ZNF391: variants seen among roughly 807,000 people sequenced by gnomAD.
The protein encoded by ZNF391 is zinc finger protein 391.
For synonymous variants in ZNF391, 126 were observed against 142.1 expected (o/e 0.89, Z 0.80); for missense variants, 375 against 425.5 (o/e 0.88, Z 1.04).
chr6:27,400,153 C>T, intron 2 of ZNF391, 140 bp from the exon 3 acceptor site: 1 of 448,312 alleles, frequency 2.2e-6, no homozygotes, highest in Non-Finnish European at 3.9e-6. Flanking sequence ...TTGTTCTCCT[C>T]CACTATCCTT....
chr6:27,383,547 T>A (rs1561808286), intron 1 of ZNF391, among the ~76,000 whole-genome samples: 1 of 152,194 alleles, frequency 6.6e-6, no homozygotes, highest in Non-Finnish European at 1.5e-5. Context: ...CATATTTGGA[T>A]TTGGGTGAGG....
At chr6:27,384,351 C>G (rs763722951), upstream of ZNF391, among the ~76,000 whole-genome samples, 3 of 151,478 alleles carry the variant, frequency 2.0e-5, no homozygotes, top group African/African-American at 7.3e-5. Context: ...GTAATCCCAG[C>G]TACTCAGGAG....
At position 27,403,174 on chromosome 6, in the gene ZNF391, C is replaced by G. The variant is rs575322134; in HGVS notation, c.*1727C>G. 1.3e-5 allele frequency: 2 copies of G among 152,158 alleles called. No individual in the cohort carries two copies. The highest frequency in any genetic ancestry group is 2.9e-5 in the Non-Finnish European group (2 of 68,038). 9.4% of individuals were successfully genotyped at this position (152,158 alleles called of 1,614,324 possible). A position where few individuals can be genotyped will look rare whatever the true frequency, so the allele number is the denominator to read the frequency against. On this transcript the variant is annotated 3_prime_UTR_variant, in exon 3 of 3. Coordinates refer to ENST00000244576, the MANE Select transcript of ZNF391 (RefSeq NM_001076781.3). The stretch of plus-strand genomic sequence containing the variant: ...AAAAAAATAGTCGTTTCCCAGTGAC[C>G]TCTGCCCCAAATGTAAACTTCTTTA...
rs182509236 is a variant in ZNF391, at chr6:27,388,988, C to T, written c.-275C>T. ...CCAAGCCCAGCGCACTCAGGTTCCG[C>T]TCCAAGTGCGGGACCCGCCCGGGGT... On this transcript the variant is annotated 5_prime_UTR_variant, in exon 1 of 3. Coordinates refer to ENST00000244576, the MANE Select transcript of ZNF391 (RefSeq NM_001076781.3). 2.2e-6 allele frequency: 1 copy of T among 456,520 alleles called. No individual in the cohort carries two copies. Among genetic ancestry groups the T allele is most frequent in the South Asian group, 1.5e-5 (1 of 64,538 alleles). 28.3% of individuals were successfully genotyped at this position (456,520 alleles called of 1,614,324 possible). A position where few individuals can be genotyped will look rare whatever the true frequency, so the allele number is the denominator to read the frequency against.
chr6:27,377,299 AC>A (rs1761433035), intron 1 of ZNF391, among the ~76,000 whole-genome samples: 2 of 152,218 alleles, frequency 1.3e-5, no homozygotes, highest in Admixed American at 1.3e-4. Flanking sequence ...CAGAACTCCG[AC>A]CACAAGGCCA....
upstream of ZNF391, among the ~76,000 whole-genome samples, chr6:27,386,988 G>C (rs1385782794): frequency 1.3e-5 from 2 of 151,820 alleles, no homozygotes; most frequent in African/African-American, 4.8e-5. Context: ...AGAATATCTG[G>C]AATATACAAA....
intron 1 of ZNF391, among the ~76,000 whole-genome samples, chr6:27,377,974 A>G (rs1179017392): frequency 6.6e-6 from 1 of 152,214 alleles, no homozygotes; most frequent in African/African-American, 2.4e-5. Context: ...TATATAGAGA[A>G]AAATAAATGC....
chr6:27,389,723 G>GTAATCCCTGC (rs1761661836), intron 1 of ZNF391, among the ~76,000 whole-genome samples: 1 of 152,170 alleles, frequency 6.6e-6, no homozygotes, highest in Non-Finnish European at 1.5e-5. Flanking sequence ...AGAATCACTT[G>GTAATCCCTGC]TACCCGGGAG....
chr6:27,387,303 C>T (rs1761598744), upstream of ZNF391, among the ~76,000 whole-genome samples: 1 of 152,158 alleles, frequency 6.6e-6, no homozygotes, highest in Non-Finnish European at 1.5e-5. Context: ...GATGGTTCCT[C>T]TAGAAAGCTG....
upstream of ZNF391, among the ~76,000 whole-genome samples, chr6:27,387,776 A>C (rs1761608445): frequency 6.6e-6 from 1 of 152,244 alleles, no homozygotes; most frequent in African/African-American, 2.4e-5. Context: ...TTTAGGGATG[A>C]CGAAAATGTT....
intron 1 of ZNF391, among the ~76,000 whole-genome samples, chr6:27,392,365 TCTGCCTCAGC>T (rs1761732758): frequency 6.6e-6 from 1 of 152,156 alleles, no homozygotes; most frequent in South Asian, 2.1e-4. Flanking sequence ...AAGCAATTCT[TCTGCCTCAGC>T]CTCCTGAGTA....
chr6:27,400,231 G>A (rs1761916535), intron 2 of ZNF391, 62 bp from the exon 3 acceptor site: 1 of 676,408 alleles, frequency 1.5e-6, no homozygotes, highest in East Asian at 2.6e-5. Flanking sequence ...TTCTCTGCTG[G>A]TTTATTTTCT....
intron 2 of ZNF391, among the ~76,000 whole-genome samples, 188 bp downstream of exon 2, chr6:27,399,738 T>G (rs1561814042): frequency 6.6e-6 from 1 of 152,224 alleles, no homozygotes; most frequent in African/African-American, 2.4e-5. Flanking sequence ...GTAGACTTCT[T>G]TAGAAGAATA....
At chr6:27,398,636 A>T (rs1208840286) in intron 1 of ZNF391, among the ~76,000 whole-genome samples, 1 of 152,156 alleles carries the variant, frequency 6.6e-6, no homozygotes, top group East Asian at 1.9e-4. Context: ...GGGCGGGTGG[A>T]TCACGAGGTC....
In ZNF391 at chr6:27,400,976, T is replaced by G. The variant is rs757526280; in HGVS notation, c.606T>G (p.Phe202Leu). ...AATGTAGTGAATGTGGAAAAGCCTT[T>G]AGCCGAAGCACTAACCTTAGTCAGC... The part of the protein sequence containing the change: ...PYECSECGKA[F>L]SRSTNLSQHQ... Residue 202 changes from phenylalanine (F) to leucine (L), a missense_variant, in exon 3 of 3, where the codon TTT (phenylalanine) becomes TTG (leucine). Physicochemically the swap from Phe to Leu is conservative, Grantham distance 22. Coordinates refer to ENST00000244576, the MANE Select transcript of ZNF391 (RefSeq NM_001076781.3). 1 of 1,614,044 alleles carries G rather than the reference T, an allele frequency of 6.2e-7. No homozygotes were observed. The highest frequency in any genetic ancestry group is 8.5e-7 in the Non-Finnish European group (1 of 1,180,020).
chr6:27,385,670 C>T (rs140151899), upstream of ZNF391, among the ~76,000 whole-genome samples: 63 of 152,244 alleles, frequency 4.1e-4, no homozygotes, highest in African/African-American at 1.4e-3. Context: ...GGAAGAGATG[C>T]ATCTACTATC....
rs1762015862 is a variant in ZNF391 at position 27,403,229 on chromosome 6, T to G, written c.*1782T>G. On this transcript the variant is annotated 3_prime_UTR_variant, in exon 3 of 3. Coordinates refer to ENST00000244576, the MANE Select transcript of ZNF391 (RefSeq NM_001076781.3). ...AAAGGTCTTTCATAGTTTGATCTACTTACTTACTTCCTTTCTCTTCTCAAA... is the reference window on the plus strand; with the variant it reads ...AAAGGTCTTTCATAGTTTGATCTACGTACTTACTTCCTTTCTCTTCTCAAA... 6.6e-6 allele frequency: 1 copy of G among 152,202 alleles called. No individual in the cohort carries two copies. Among genetic ancestry groups the G allele is most frequent in the Non-Finnish European group, 1.5e-5 (1 of 68,036 alleles). The allele number at this position is 152,202 out of a possible 1,614,324, so 9.4% of individuals were successfully genotyped here.
At chr6:27,394,317 G>A (rs1339397193) in intron 1 of ZNF391, among the ~76,000 whole-genome samples, 1 of 152,254 alleles carries the variant, frequency 6.6e-6, no homozygotes, top group Non-Finnish European at 1.5e-5. Context: ...CCAGGAGGCT[G>A]CTCCTAAATC....
chr6:27,380,595 TTC>T (rs1761484536), intron 1 of ZNF391, among the ~76,000 whole-genome samples: 1 of 152,206 alleles, frequency 6.6e-6, no homozygotes, highest in African/African-American at 2.4e-5. Flanking sequence ...CCTGCTTTTA[TTC>T]TGTTATCTGG....
Sources: gnomAD v4.1 joint callset for allele counts (sites outside exome capture counted in the v4.1 genomes callset) on GRCh38, gnomAD v4.1.1 for gene constraint, MANE v1.5 for transcripts, NCBI Gene and HGNC (gene_info 2026-07-23, HGNC 2026-07-21) for gene names.